Variants in DEPDC1B observed in about 807,000 individuals in gnomAD.
The protein encoded by DEPDC1B is DEP domain containing 1B.
DEPDC1B carries 51 observed loss-of-function variants against 66.5 expected under a neutral mutation model. The ratio of observed to expected loss-of-function variants is 0.77; its 90% confidence interval spans 0.61 to 0.97. The LOEUF is 0.97. DEPDC1B is among the 50% of genes least tolerant of loss of function. DEPDC1B has a pLI of 0.00. For missense variants in DEPDC1B, 552 were observed against 637.1 expected (o/e 0.87, Z 1.44); for synonymous variants, 226 against 223.6 (o/e 1.01, Z -0.10).
At chr5:60,696,809 A>C (rs1337760402) in intron 1 of DEPDC1B, among the ~76,000 whole-genome samples, 3 of 149,888 alleles carry the variant, frequency 2.0e-5, no homozygotes, top group Admixed American at 1.3e-4. Flanking sequence ...ACATACACCT[A>C]CTGCTGTGCA....
chr5:60,668,161 A>T lies in DEPDC1B; in HGVS notation c.314+18801T>A, dbSNP rs201536290. 3.2e-3 allele frequency among the ~76,000 whole-genome samples: 64 copies of T among 20,070 alleles called. 11 individuals are homozygous for T. Among genetic ancestry groups the T allele is most frequent in the African/African-American group, 0.012 (41 of 3,516 alleles). The allele number at this position is 20,070 out of a possible 152,430, so 13.2% of individuals were successfully genotyped here. On this transcript the variant is annotated intron_variant, in intron 2 of 10. Transcript: ENST00000265036. The stretch of plus-strand genomic sequence containing the variant: ...TTTATATATATATAAAATGGATATT[A>T]TATATATATAAAATGGATATTTTAT...
intron 6 of DEPDC1B, among the ~76,000 whole-genome samples, chr5:60,640,803 A>G (rs1329201846): frequency 6.6e-6 from 1 of 152,172 alleles, no homozygotes; most frequent in Non-Finnish European, 1.5e-5. Context: ...TCCCTTTTAG[A>G]TGACTGAAAC....
At chr5:60,631,707 T>C (rs74383885) in intron 7 of DEPDC1B, among the ~76,000 whole-genome samples, 2,553 of 152,274 alleles carry the variant, frequency 0.017, 81 homozygotes, top group African/African-American at 0.058. Context: ...ATAGAATAAA[T>C]TGCTCAGTAC....
At chr5:60,666,998 T>C (rs1753855897) in intron 2 of DEPDC1B, among the ~76,000 whole-genome samples, 1 of 152,166 alleles carries the variant, frequency 6.6e-6, no homozygotes, top group Non-Finnish European at 1.5e-5. Context: ...ATGAGTAAAA[T>C]AAAATGGTTA....
intron 7 of DEPDC1B, among the ~76,000 whole-genome samples, chr5:60,614,150 A>G (rs1204197694): frequency 6.6e-6 from 1 of 152,126 alleles, no homozygotes; most frequent in Non-Finnish European, 1.5e-5. Flanking sequence ...AACTCCACCA[A>G]ATCTTTCTGA....
chr5:60,635,375 A>T (rs1225034030), intron 7 of DEPDC1B, among the ~76,000 whole-genome samples: 3 of 152,004 alleles, frequency 2.0e-5, no homozygotes, highest in Non-Finnish European at 4.4e-5. Flanking sequence ...AACCTTAAGG[A>T]TGTTTCTAGG....
intron 2 of DEPDC1B, among the ~76,000 whole-genome samples, chr5:60,686,034 C>T (rs575356296): frequency 1.3e-5 from 2 of 152,182 alleles, no homozygotes; most frequent in Non-Finnish European, 2.9e-5. Flanking sequence ...TATGCACTCA[C>T]GACAGACAGT....
intron 1 of DEPDC1B, among the ~76,000 whole-genome samples, chr5:60,699,554 G>A (rs1754735988): frequency 6.6e-6 from 1 of 151,624 alleles, no homozygotes; most frequent in African/African-American, 2.4e-5. Flanking sequence ...GAAACGCCAG[G>A]GGCCGGAAAT....
chr5:60,628,602 C>CTAAAGAAAGACACAG (rs1752853484), intron 7 of DEPDC1B: 1 of 152,062 alleles, frequency 6.6e-6, no homozygotes, highest in Non-Finnish European at 1.5e-5. Context: ...AAATTCTTGC[C>CTAAAGAAAGACACAG]TAAAGAAAGA....
intron 7 of DEPDC1B, among the ~76,000 whole-genome samples, chr5:60,617,212 G>C (rs1455475662): frequency 1.3e-5 from 2 of 152,162 alleles, no homozygotes; most frequent in Non-Finnish European, 2.9e-5. Flanking sequence ...ATCGAGGCTA[G>C]GAAGAAACTG....
rs113462318 is a variant in DEPDC1B, at chr5:60,608,258, A to C, written c.899-2402T>G. Among the ~76,000 whole-genome samples the C allele has an allele frequency of 1.5e-3, 233 of 152,232 alleles. 3 individuals carry two copies. Among genetic ancestry groups the C allele is most frequent in the African/African-American group, 5.6e-3 (231 of 41,564 alleles). ...CACAAATCCCTTCTTTTTCCAAATT[A>C]AAAATCCCTTTGCAAAGGCAGATTT... is the stretch of plus-strand genomic sequence containing the variant. On this transcript the variant is annotated intron_variant, in intron 7 of 10. Transcript: ENST00000265036.
chr5:60,680,225 C>T (rs1222033919), intron 2 of DEPDC1B, among the ~76,000 whole-genome samples: 1 of 152,186 alleles, frequency 6.6e-6, no homozygotes, highest in Admixed American at 6.5e-5. Context: ...AAATTGTTTT[C>T]ACCAGCAGCA....
intron 7 of DEPDC1B, among the ~76,000 whole-genome samples, chr5:60,612,705 GA>G (rs1554050974): frequency 0.14 from 11,592 of 85,350 alleles, 631 homozygotes; most frequent in African/African-American, 0.24. Flanking sequence ...AAATGGTTCA[GA>G]AAAAAAAAAA....
At chr5:60,697,891 A>G (rs1754692222) in intron 1 of DEPDC1B, among the ~76,000 whole-genome samples, 1 of 152,168 alleles carries the variant, frequency 6.6e-6, no homozygotes, top group Non-Finnish European at 1.5e-5. Flanking sequence ...TTTTAATTAA[A>G]CAAATTCCTT....
chr5:60,603,256 T>C (rs2111708419), intron 9 of DEPDC1B, 135 bp downstream of exon 9: 1 of 722,520 alleles, frequency 1.4e-6, no homozygotes. Flanking sequence ...GATTACTATG[T>C]GCCAAGACCT....
At chr5:60,621,264 T>G (rs914875218) in intron 7 of DEPDC1B, among the ~76,000 whole-genome samples, 3 of 150,992 alleles carry the variant, frequency 2.0e-5, no homozygotes, top group Admixed American at 1.3e-4. Context: ...GTTGTGCACA[T>G]GTACACTAAC....
chr5:60,620,110 C>T (rs1217612000), intron 7 of DEPDC1B, among the ~76,000 whole-genome samples: 2 of 152,142 alleles, frequency 1.3e-5, no homozygotes, highest in Non-Finnish European at 2.9e-5. Flanking sequence ...AAACTAGATC[C>T]CTTCCTTACA....
chr5:60,639,894 T>C (rs1479610580), intron 6 of DEPDC1B, among the ~76,000 whole-genome samples: 2 of 152,148 alleles, frequency 1.3e-5, no homozygotes, highest in Admixed American at 6.5e-5. Context: ...TGTACCCAAA[T>C]AGACCTCTAC....
At chr5:60,639,167 G>C (rs1466173795) in intron 6 of DEPDC1B, among the ~76,000 whole-genome samples, 2 of 151,902 alleles carry the variant, frequency 1.3e-5, no homozygotes, top group African/African-American at 4.8e-5. Flanking sequence ...CATTTTAAAA[G>C]AAACCTTTCT....
Sources: allele counts gnomAD v4.1 joint callset (sites outside exome capture counted in the v4.1 genomes callset), GRCh38; gene constraint gnomAD v4.1.1; transcripts MANE v1.5; gene names NCBI Gene and HGNC (gene_info 2026-07-23, HGNC 2026-07-21).